The following CERK variants were observed in gnomAD, a reference collection of about 807,000 sequenced individuals.
The protein encoded by CERK is acylsphingosine kinase.
CERK carries 39 observed loss-of-function variants against 63.4 expected under a neutral mutation model. The observed-to-expected ratio is 0.61, with a 90% CI of 0.48 to 0.80. The LOEUF (loss-of-function observed/expected upper bound fraction) is 0.80. Ranked by LOEUF, CERK falls within the 30% of genes least tolerant of loss-of-function variation. CERK has a pLI of 0.00. For synonymous variants in CERK, 302 were observed against 280.0 expected (o/e 1.08, Z -0.78); for missense variants, 670 against 714.1 (o/e 0.94, Z 0.70).
chr22:46,685,671 C>G lies in CERK; in HGVS notation c.*1463G>C, dbSNP rs2082696556. The G allele has an allele frequency of 6.6e-6, 1 of 152,238 alleles. No individual in the cohort carries two copies. The highest frequency in any genetic ancestry group is 1.5e-5 in the Non-Finnish European group (1 of 68,048). 9.4% of individuals were successfully genotyped at this position (152,238 alleles called of 1,614,324 possible). A position where few individuals can be genotyped will look rare whatever the true frequency, so the allele number is the denominator to read the frequency against. On this transcript the variant is annotated 3_prime_UTR_variant, in exon 13 of 13. Coordinates refer to ENST00000216264, the MANE Select transcript of CERK (RefSeq NM_022766.6). ...AACCATTTGGCTTGCACAGTGCTCT[C>G]TGATAATGTGGTCCATAAAAACCAC...
At position 46,690,055 on chromosome 22, in the gene CERK, G is replaced by A. The variant is rs2082722349; in HGVS notation, c.1478C>T (p.Thr493Ile). Residue 493 changes from threonine (T) to isoleucine (I), a missense_variant, in exon 12 of 13, where the codon ACC becomes ATC. Coordinates refer to ENST00000216264, the MANE Select transcript of CERK (RefSeq NM_022766.6). Reference sequence around the variant, plus strand: ...GCAGTTCCAGGAGCTGTTGGAGACGGTGCAGCAGCAGGAGGGGTGGCTGCT... The same window carrying A: ...GCAGTTCCAGGAGCTGTTGGAGACGATGCAGCAGCAGGAGGGGTGGCTGCT... ...ICSSHPSCCCTVSNSSWNCDG... is the reference protein window; with the variant it reads ...ICSSHPSCCCIVSNSSWNCDG... 1 of 1,613,596 alleles carries A rather than the reference G, an allele frequency of 6.2e-7. No homozygotes were observed. The highest frequency in any genetic ancestry group is 8.5e-7 in the Non-Finnish European group (1 of 1,179,980).
At chr22:46,723,337 G>T (rs2082901889) in intron 1 of CERK, among the ~76,000 whole-genome samples, 1 of 152,194 alleles carries the variant, frequency 6.6e-6, no homozygotes, top group African/African-American at 2.4e-5. Context: ...TAAGAACACA[G>T]GGCGGACACA....
intron 3 of CERK, among the ~76,000 whole-genome samples, chr22:46,712,916 C>G (rs1317423423): frequency 6.7e-6 from 1 of 149,174 alleles, no homozygotes; most frequent in African/African-American, 2.5e-5. Context: ...GTGATCTCAG[C>G]TCACTGCAAG....
At chr22:46,696,419 A>G (rs948288067) in intron 8 of CERK, among the ~76,000 whole-genome samples, 13 of 152,038 alleles carry the variant, frequency 8.6e-5, no homozygotes, top group African/African-American at 3.1e-4. Context: ...AGGCCGACCC[A>G]CTGGTCAGCA....
In CERK at chr22:46,727,995, A is replaced by G. The variant is rs978834218; in HGVS notation, c.143-6980T>C. Among the ~76,000 whole-genome samples the G allele has an allele frequency of 2.0e-5, 3 of 152,198 alleles. No homozygotes were observed. In the East Asian group the frequency reaches 5.8e-4, roughly 29 times the overall value. ...ACAGCCCACGTGGCAGCCAACACACAGGACTTTGCTTTTCCTGTTAAGCCA... is the reference window on the plus strand; with the variant it reads ...ACAGCCCACGTGGCAGCCAACACACGGGACTTTGCTTTTCCTGTTAAGCCA... On this transcript the variant is annotated intron_variant, in intron 1 of 12. Coordinates refer to ENST00000216264, the MANE Select transcript of CERK (RefSeq NM_022766.6).
At chr22:46,717,413 G>T in intron 3 of CERK, among the ~76,000 whole-genome samples, 1 of 152,344 alleles carries the variant, frequency 6.6e-6, no homozygotes, top group South Asian at 2.1e-4. Context: ...ATAAATGGCC[G>T]TAACATTCAC....
At chr22:46,726,547 G>A (rs1168633278) in intron 1 of CERK, among the ~76,000 whole-genome samples, 2 of 152,176 alleles carry the variant, frequency 1.3e-5, no homozygotes, top group Admixed American at 1.3e-4. Context: ...CGAGTGGCTG[G>A]GAGGCCTGAT....
intron 6 of CERK, among the ~76,000 whole-genome samples, chr22:46,703,066 C>T (rs1287977798): frequency 2.0e-5 from 3 of 152,140 alleles, no homozygotes; most frequent in Non-Finnish European, 2.9e-5. Context: ...AAGTCATTAG[C>T]AGGCAATGCT....
At chr22:46,736,271 G>T (rs939549308) in intron 1 of CERK, among the ~76,000 whole-genome samples, 1 of 152,280 alleles carries the variant, frequency 6.6e-6, no homozygotes, top group Non-Finnish European at 1.5e-5. Context: ...AGCTGGCTGG[G>T]GACGCCAAGG....
chr22:46,721,480 A>C (rs183751118), intron 1 of CERK, among the ~76,000 whole-genome samples: 6 of 152,180 alleles, frequency 3.9e-5, no homozygotes, highest in African/African-American at 1.4e-4. Flanking sequence ...TTAAACTCAC[A>C]AATAAATAAC....
chr22:46,698,270 T>C (rs2082766066), intron 8 of CERK, among the ~76,000 whole-genome samples: 1 of 152,220 alleles, frequency 6.6e-6, no homozygotes, highest in Non-Finnish European at 1.5e-5. Context: ...GAGTGCGGCG[T>C]GGCATTCGCT....
In CERK at chr22:46,738,235, C is replaced by T; in HGVS notation, c.-87G>A. 4.7e-6 allele frequency: 3 copies of T among 637,102 alleles called. No individual in the cohort carries two copies. The highest frequency in any genetic ancestry group is 5.8e-6 in the Non-Finnish European group (3 of 520,504). 39.5% of individuals were successfully genotyped at this position (637,102 alleles called of 1,614,324 possible). A position where few individuals can be genotyped will look rare whatever the true frequency, so the allele number is the denominator to read the frequency against. ...TTAGCGGCCCCTGCAGTGGCCCGGG[C>T]GGCGGGCGGCGGGCGGCGGGAGGCG... is the stretch of plus-strand genomic sequence containing the variant. On this transcript the variant is annotated 5_prime_UTR_variant, in exon 1 of 13. Transcript: ENST00000216264.
rs117774611 is a variant in CERK at position 46,722,661 on chromosome 22, C to G, written c.143-1646G>C. Among the ~76,000 whole-genome samples, 68 of 151,498 alleles carry G rather than the reference C, an allele frequency of 4.5e-4. No individual in the cohort carries two copies. In the East Asian group the frequency reaches 0.012, roughly 26 times the overall value. On this transcript the variant is annotated intron_variant, in intron 1 of 12. Transcript: ENST00000216264. ...CGCAACCTCCACCTCCCGGTTCAAG[C>G]GATTCTCCCTCCTCAGCCTCCCAAG...
At chr22:46,702,574 C>G (rs573936247) in intron 6 of CERK, among the ~76,000 whole-genome samples, 5 of 152,296 alleles carry the variant, frequency 3.3e-5, no homozygotes, top group African/African-American at 1.2e-4. Context: ...TAGGCGTGAG[C>G]CACCACACCT....
In CERK at chr22:46,730,940, A is replaced by G. The variant is rs549578414; in HGVS notation, c.142+7067T>C. On this transcript the variant is annotated intron_variant, in intron 1 of 12. Coordinates refer to ENST00000216264, the MANE Select transcript of CERK (RefSeq NM_022766.6). Reference sequence around the variant, plus strand: ...AAGGGGCAGCTTTGCAAGACAGAAAACTTTGAGACAATAACAACCTACCCC... The same window carrying G: ...AAGGGGCAGCTTTGCAAGACAGAAAGCTTTGAGACAATAACAACCTACCCC... Among the ~76,000 whole-genome samples, 5 of 152,294 alleles carry G rather than the reference A, an allele frequency of 3.3e-5. No individual in the cohort carries two copies. In the East Asian group the frequency reaches 9.7e-4, roughly 29 times the overall value.
rs2146560345 is a variant in CERK, at chr22:46,704,870, T to C, written c.715+2973A>G. 2.7e-5 allele frequency among the ~76,000 whole-genome samples: 4 copies of C among 147,304 alleles called. No individual in the cohort carries two copies. The Middle Eastern group carries it at 0.011, about 397-fold the overall frequency. ...GTGACAATGCCCTCTTGCTTCCCCA[T>C]GAGAACATGGACTAAGCAAGGGAAA... On this transcript the variant is annotated intron_variant, in intron 6 of 12. Coordinates refer to ENST00000216264, the MANE Select transcript of CERK (RefSeq NM_022766.6).
intron 8 of CERK, among the ~76,000 whole-genome samples, chr22:46,698,245 C>A (rs1002093522): frequency 1.3e-5 from 2 of 152,378 alleles, no homozygotes; most frequent in South Asian, 4.1e-4. Flanking sequence ...AGAATGAAAG[C>A]TTTTGGGCTT....
At chr22:46,716,870 G>C (rs2082869020) in intron 3 of CERK, among the ~76,000 whole-genome samples, 1 of 152,026 alleles carries the variant, frequency 6.6e-6, no homozygotes, top group African/African-American at 2.4e-5. Flanking sequence ...AGGAGGCAGA[G>C]GTTGCAGTGA....
intron 11 of CERK, 100 bp from the exon 12 acceptor site, chr22:46,690,300 G>C: frequency 2.3e-6 from 2 of 852,002 alleles, no homozygotes; most frequent in Non-Finnish European, 3.7e-6. Flanking sequence ...TGTCAGGCCT[G>C]GGTGCACACA....
Sources: allele counts gnomAD v4.1 joint callset (sites outside exome capture counted in the v4.1 genomes callset), GRCh38; gene constraint gnomAD v4.1.1; transcripts MANE v1.5; gene names NCBI Gene and HGNC (gene_info 2026-07-23, HGNC 2026-07-21).